Variants in MTA3 observed in about 807,000 individuals in gnomAD.
The protein encoded by MTA3 is metastasis associated 1 family member 3, also known as metastasis-associated protein MTA3.
A neutral mutation model predicts 83.5 loss-of-function variants in MTA3; 34 were observed. The observed-to-expected ratio is 0.41, with a 90% CI of 0.31 to 0.54. MTA3 has a LOEUF of 0.54. Among genes scored for constraint, MTA3 ranks in the 20% least tolerant of loss-of-function variants. The pLI, the probability that MTA3 is intolerant of heterozygous loss-of-function variation, is 0.33. For missense variants in MTA3, 761 were observed against 726.4 expected (o/e 1.05, Z -0.55); for synonymous variants, 303 against 252.7 (o/e 1.20, Z -1.89).
intron 2 of MTA3, among the ~76,000 whole-genome samples, chr2:42,524,303 TA>T (rs201666725): frequency 1.3e-4 from 19 of 151,028 alleles, no homozygotes; most frequent in African/African-American, 1.5e-4. Context: ...CCATTATTAT[TA>T]TTTTTTTTTT....
intron 9 of MTA3, 125 bp from the exon 10 acceptor site, chr2:42,695,634 CAAAAAA>C (rs70963347): frequency 3.8e-4 from 50 of 130,732 alleles, no homozygotes; most frequent in Middle Eastern, 5.7e-3. Flanking sequence ...CAGTCTATCT[CAAAAAA>C]AAAAAAAAAA....
intron 2 of MTA3, among the ~76,000 whole-genome samples, chr2:42,555,102 G>A (rs557472231): frequency 3.9e-5 from 6 of 151,980 alleles, no homozygotes; most frequent in Non-Finnish European, 7.4e-5. Context: ...GCAGTGAGCC[G>A]GGATCTATGC....
chr2:42,621,055 G>T (rs1167405265), intron 4 of MTA3, among the ~76,000 whole-genome samples: 1 of 138,972 alleles, frequency 7.2e-6, no homozygotes, highest in Non-Finnish European at 1.6e-5. Context: ...TTATTTGTCA[G>T]TTATACCTCA....
intron 2 of MTA3, among the ~76,000 whole-genome samples, chr2:42,497,414 G>C (rs552241333): frequency 4.0e-5 from 6 of 151,230 alleles, no homozygotes; most frequent in Non-Finnish European, 8.8e-5. Flanking sequence ...GTGAAACCCC[G>C]TCCCTACTAA....
chr2:42,599,590 CA>C (rs1312390748), intron 3 of MTA3, among the ~76,000 whole-genome samples: 1 of 147,566 alleles, frequency 6.8e-6, no homozygotes, highest in Non-Finnish European at 1.5e-5. Flanking sequence ...ACTCCATCTC[CA>C]AAAAAAAAGA....
chr2:42,534,637 A>G (rs1433140112), intron 2 of MTA3, among the ~76,000 whole-genome samples: 2 of 152,110 alleles, frequency 1.3e-5, no homozygotes, highest in Non-Finnish European at 2.9e-5. Context: ...AAATGGACAA[A>G]CCCCAAAATA....
intron 2 of MTA3, among the ~76,000 whole-genome samples, chr2:42,542,623 C>A (rs1326128278): frequency 6.6e-6 from 1 of 152,132 alleles, no homozygotes; most frequent in Non-Finnish European, 1.5e-5. Flanking sequence ...ATGACCTTAG[C>A]TCACTGCAAC....
At chr2:42,732,495 T>C (rs1573794944) in intron 16 of MTA3, among the ~76,000 whole-genome samples, 1 of 152,140 alleles carries the variant, frequency 6.6e-6, no homozygotes, top group South Asian at 2.1e-4. Context: ...GAAACCACTT[T>C]TTCTTCCTGA....
intron 16 of MTA3, among the ~76,000 whole-genome samples, chr2:42,726,817 A>T (rs867112195): frequency 4.6e-4 from 70 of 152,318 alleles, no homozygotes; most frequent in African/African-American, 7.7e-4. Context: ...AGAACTCTGT[A>T]TGCTCTATTA....
At chr2:42,688,620 T>G (rs1290518281) in intron 9 of MTA3, among the ~76,000 whole-genome samples, 1 of 151,670 alleles carries the variant, frequency 6.6e-6, no homozygotes, top group African/African-American at 2.4e-5. Context: ...AAGTGTTTTT[T>G]TTTTTTTTTT....
chr2:42,627,609 G>A (rs1686237516), intron 4 of MTA3, among the ~76,000 whole-genome samples: 1 of 151,272 alleles, frequency 6.6e-6, no homozygotes, highest in South Asian at 2.1e-4. Flanking sequence ...TGTCTCTCAG[G>A]TTGGAGTGCA....
At chr2:42,726,995 C>T (rs990513793) in intron 16 of MTA3, among the ~76,000 whole-genome samples, 1 of 152,170 alleles carries the variant, frequency 6.6e-6, no homozygotes, top group Non-Finnish European at 1.5e-5. Flanking sequence ...AATTTGAGAC[C>T]AGCCTAGGCA....
At chr2:42,748,499 A>C (rs1481813347) in intron 16 of MTA3, among the ~76,000 whole-genome samples, 1 of 152,162 alleles carries the variant, frequency 6.6e-6, no homozygotes, top group Non-Finnish European at 1.5e-5. Context: ...AGTCCCATCC[A>C]ACACATTTTT....
chr2:42,640,019 T>A (rs1260458870), intron 4 of MTA3, among the ~76,000 whole-genome samples, 154 bp from the exon 5 acceptor site: 1 of 152,214 alleles, frequency 6.6e-6, no homozygotes, highest in Non-Finnish European at 1.5e-5. Flanking sequence ...GACATTAGGA[T>A]TGTAAAGTGG....
At chr2:42,598,796 C>G (rs1682170055) in intron 3 of MTA3, among the ~76,000 whole-genome samples, 1 of 152,256 alleles carries the variant, frequency 6.6e-6, no homozygotes, top group South Asian at 2.1e-4. Context: ...ATAAAAGCCC[C>G]TACAAATCAT....
At chr2:42,625,214 TA>T (rs1211714103) in intron 4 of MTA3, among the ~76,000 whole-genome samples, 3 of 151,702 alleles carry the variant, frequency 2.0e-5, no homozygotes, top group Admixed American at 1.3e-4. Flanking sequence ...GTATTTTTAG[TA>T]GAGATGGGGT....
At chr2:42,693,490 G>A (rs1693099343) in intron 9 of MTA3, among the ~76,000 whole-genome samples, 1 of 152,170 alleles carries the variant, frequency 6.6e-6, no homozygotes, top group Admixed American at 6.5e-5. Context: ...CCTTTCCACA[G>A]GCAGAGGGGC....
At chr2:42,546,077 C>T (rs1676745964) in intron 2 of MTA3, among the ~76,000 whole-genome samples, 1 of 152,136 alleles carries the variant, frequency 6.6e-6, no homozygotes, top group Admixed American at 6.6e-5. Flanking sequence ...CGGGAATTCA[C>T]TCTTTAGATA....
At chr2:42,730,695 T>A (rs1469693436) in intron 16 of MTA3, among the ~76,000 whole-genome samples, 1 of 152,236 alleles carries the variant, frequency 6.6e-6, no homozygotes, top group Non-Finnish European at 1.5e-5. Flanking sequence ...CTGGTTTTGC[T>A]ATCAGAGTAA....
Sources: gnomAD v4.1 joint callset for allele counts (sites outside exome capture counted in the v4.1 genomes callset) on GRCh38, gnomAD v4.1.1 for gene constraint, MANE v1.5 for transcripts, NCBI Gene and HGNC (gene_info 2026-07-23, HGNC 2026-07-21) for gene names.